CLVS1: variants seen among roughly 807,000 people sequenced by gnomAD.
The protein encoded by CLVS1 is clavesin 1.
A neutral mutation model predicts 33.1 loss-of-function variants in CLVS1; 10 were observed. The ratio of observed to expected loss-of-function variants is 0.30; its 90% CI spans 0.19 to 0.51. The LOEUF (loss-of-function observed/expected upper bound fraction) is 0.51, where lower values mean the gene tolerates loss of function less well. Ranked by LOEUF, CLVS1 falls within the 20% of genes least tolerant of loss-of-function variation. The pLI is 0.97. For synonymous variants in CLVS1, 163 were observed against 166.1 expected (o/e 0.98, Z 0.14); for missense variants, 343 against 433.4 (o/e 0.79, Z 1.85).
chr8:61,355,927 C>T (rs1401840023), intron 2 of CLVS1, among the ~76,000 whole-genome samples: 1 of 152,116 alleles, frequency 6.6e-6, no homozygotes, highest in East Asian at 1.9e-4. Context: ...GGGTGTATAC[C>T]CAGTAATGGG....
At chr8:61,498,592 T>C (rs1804351642) in intron 5 of CLVS1, among the ~76,000 whole-genome samples, 1 of 152,184 alleles carries the variant, frequency 6.6e-6, no homozygotes, top group Non-Finnish European at 1.5e-5. Context: ...TAGAAAAAAA[T>C]CATTATTACT....
At chr8:61,015,003 C>T in the CLVS1 span, among the ~76,000 whole-genome samples, 1 of 152,218 alleles carries the variant, frequency 6.6e-6, no homozygotes, top group African/African-American at 2.4e-5. Flanking sequence ...GGCCAATGGC[C>T]ACAATGACCC....
At chr8:61,330,044 C>G (rs1811535513) in intron 2 of CLVS1, among the ~76,000 whole-genome samples, 1 of 152,162 alleles carries the variant, frequency 6.6e-6, no homozygotes, top group Non-Finnish European at 1.5e-5. Context: ...CCACCTGCAG[C>G]TGGTACCACT....
intron 1 of CLVS1, among the ~76,000 whole-genome samples, chr8:61,072,083 TGAA>T (rs374083993): frequency 1.8e-4 from 27 of 152,324 alleles, no homozygotes; most frequent in African/African-American, 6.3e-4. Flanking sequence ...TTCTAGTCTC[TGAA>T]GTCCCAAAGC....
upstream of CLVS1, among the ~76,000 whole-genome samples, chr8:61,055,613 A>T (rs2129276794): frequency 6.6e-6 from 1 of 152,350 alleles, no homozygotes; most frequent in East Asian, 1.9e-4. Flanking sequence ...TAGATGGGAC[A>T]CAAATTGCAA....
At chr8:61,205,062 A>G (rs949291930) in intron 2 of CLVS1, among the ~76,000 whole-genome samples, 1 of 152,374 alleles carries the variant, frequency 6.6e-6, no homozygotes, top group East Asian at 1.9e-4. Context: ...GAATTCATAC[A>G]TCACAAGGGA....
rs900041336 is a variant in CLVS1, at chr8:61,396,266, A to G, written c.630+19487A>G. 5.5e-4 allele frequency among the ~76,000 whole-genome samples: 83 copies of G among 152,280 alleles called. 1 individual carries two copies. The highest frequency in any genetic ancestry group is 4.1e-4 in the Non-Finnish European group (28 of 68,006). ...TTCATATTCCTCTTTCTAAAAATCA[A>G]ATCTGTCTTTTAATATACACCATTT... On this transcript the variant is annotated intron_variant, in intron 3 of 5. Transcript: ENST00000325897.
intron 1 of CLVS1, among the ~76,000 whole-genome samples, chr8:61,123,443 T>C (rs951437953): frequency 6.6e-6 from 1 of 152,220 alleles, no homozygotes; most frequent in Non-Finnish European, 1.5e-5. Flanking sequence ...AAGTTATAAA[T>C]ACGTTTGTAT....
chr8:60,995,571 C>A, the CLVS1 span, among the ~76,000 whole-genome samples: 3 of 152,144 alleles, frequency 2.0e-5, no homozygotes, highest in Non-Finnish European at 4.4e-5. Flanking sequence ...GTGGGACTGT[C>A]AACTAGTTCA....
chr8:61,017,595 T>G, the CLVS1 span, among the ~76,000 whole-genome samples: 1 of 152,112 alleles, frequency 6.6e-6, no homozygotes, highest in Non-Finnish European at 1.5e-5. Context: ...TAACCACTAA[T>G]AGCTGGACAG....
intron 2 of CLVS1, among the ~76,000 whole-genome samples, chr8:61,212,583 G>T (rs1563447308): frequency 6.6e-6 from 1 of 152,160 alleles, no homozygotes; most frequent in Non-Finnish European, 1.5e-5. Flanking sequence ...TGGAGGAAGA[G>T]GGAGGAAGGG....
chr8:61,434,514 T>C (rs1563551835), intron 3 of CLVS1, among the ~76,000 whole-genome samples: 1 of 152,138 alleles, frequency 6.6e-6, no homozygotes, highest in South Asian at 2.1e-4. Context: ...TAGTTTTATA[T>C]ATTTTAGGGA....
intron 2 of CLVS1, among the ~76,000 whole-genome samples, chr8:61,364,918 A>C (rs1213766755): frequency 1.3e-5 from 2 of 152,242 alleles, no homozygotes; most frequent in African/African-American, 4.8e-5. Flanking sequence ...AGCAATACAT[A>C]CAGAGTTGCT....
chr8:61,232,023 G>GTTTGTTTGTTTGTTTGTTGT, intron 2 of CLVS1, among the ~76,000 whole-genome samples: 1 of 62,628 alleles, frequency 1.6e-5, no homozygotes, highest in African/African-American at 4.7e-5. Flanking sequence ...GAAAGTTGTG[G>GTTTGTTTGTTTGTTTGTTGT]TTTTTTTTTT....
At chr8:61,320,298 TG>T (rs1290608471) in intron 2 of CLVS1, among the ~76,000 whole-genome samples, 3 of 152,144 alleles carry the variant, frequency 2.0e-5, no homozygotes, top group Non-Finnish European at 4.4e-5. Context: ...GCTATTTATG[TG>T]CTTTTTGTTT....
chr8:61,226,935 G>C (rs1448762183), intron 2 of CLVS1, among the ~76,000 whole-genome samples: 2 of 151,912 alleles, frequency 1.3e-5, no homozygotes, highest in Non-Finnish European at 2.9e-5. Flanking sequence ...GATGATCCAG[G>C]GTTTCAGAAT....
chr8:61,247,280 C>A (rs1379279967), intron 2 of CLVS1, among the ~76,000 whole-genome samples: 2 of 152,090 alleles, frequency 1.3e-5, no homozygotes, highest in South Asian at 2.1e-4. Context: ...GTCTTTATGG[C>A]AGAATGATTT....
intron 5 of CLVS1, among the ~76,000 whole-genome samples, chr8:61,480,279 A>G (rs1818135767): frequency 6.6e-6 from 1 of 152,180 alleles, no homozygotes; most frequent in African/African-American, 2.4e-5. Flanking sequence ...AGCCTTGTTA[A>G]TGGCAGGCAC....
intron 2 of CLVS1, among the ~76,000 whole-genome samples, chr8:61,259,117 C>T (rs1425373594): frequency 1.3e-5 from 2 of 152,172 alleles, no homozygotes; most frequent in Non-Finnish European, 2.9e-5. Context: ...TTTAATATAT[C>T]ATCTCTGTTT....
Sources: gnomAD v4.1 joint callset for allele counts (sites outside exome capture counted in the v4.1 genomes callset) on GRCh38, gnomAD v4.1.1 for gene constraint, MANE v1.5 for transcripts, NCBI Gene and HGNC (gene_info 2026-07-23, HGNC 2026-07-21) for gene names.